The following HCLS1 variants were observed in gnomAD, a reference collection of about 807,000 sequenced individuals.
HCLS1 encodes hematopoietic cell-specific Lyn substrate 1.
Under a neutral mutation model 68.6 loss-of-function variants are expected in HCLS1, and 44 were observed. That is an observed-to-expected ratio of 0.64 (90% confidence interval 0.50 to 0.82). The LOEUF (loss-of-function observed/expected upper bound fraction) is 0.82, where lower values mean the gene tolerates loss of function less well. HCLS1 is among the 40% of genes least tolerant of loss of function. The pLI is 0.00. For synonymous variants in HCLS1, 217 were observed against 225.8 expected, an observed-to-expected ratio of 0.96 and a Z score of 0.35; for missense variants, 602 against 612.1, an observed-to-expected ratio of 0.98 and a Z score of 0.17.
In HCLS1 at chr3:121,637,232, C is replaced by T. The variant is rs142478875; in HGVS notation, c.479G>A (p.Arg160Gln). 454 of 1,613,398 alleles carry T rather than the reference C, an allele frequency of 2.8e-4. 1 individual carries two copies. The highest frequency in any genetic ancestry group is 4.9e-4 in the Middle Eastern group (3 of 6,062). Reference sequence around the variant, plus strand: ...CCATTTATCCTTCTCCACCCCGTACCGGCCACCAAAGCCACGAGAGTAATC... The same window carrying T: ...CCATTTATCCTTCTCCACCCCGTACTGGCCACCAAAGCCACGAGAGTAATC... The part of the protein sequence containing the change: ...QKDYSRGFGG[R>Q]YGVEKDKWDK... The change falls in exon 7 of 14, where the codon CGG (arginine) becomes CAG (glutamine). Residue 160 changes from arginine (R) to glutamine (Q), a missense_variant. Transcript: ENST00000314583.
intron 6 of HCLS1, among the ~76,000 whole-genome samples, chr3:121,640,742 T>C (rs1008939510): frequency 4.3e-5 from 6 of 138,136 alleles, no homozygotes; most frequent in African/African-American, 1.6e-4. Flanking sequence ...CTGGGCAACA[T>C]AATAAGACTT....
At chr3:121,643,534 T>C (rs879295303) in intron 5 of HCLS1, 6 of 152,844 alleles carry the variant, frequency 3.9e-5, no homozygotes, top group Admixed American at 3.9e-4. Context: ...GCCTCTTCTC[T>C]TTCATTACTC....
chr3:121,640,824 G>T (rs1395673900), intron 6 of HCLS1, among the ~76,000 whole-genome samples: 1 of 125,080 alleles, frequency 8.0e-6, no homozygotes, highest in Non-Finnish European at 1.8e-5. Context: ...GGGCAGGGGA[G>T]GGGAGGGGAC....
At chr3:121,659,298 T>C (rs1937940599) in intron 1 of HCLS1, among the ~76,000 whole-genome samples, 1 of 152,046 alleles carries the variant, frequency 6.6e-6, no homozygotes, top group South Asian at 2.1e-4. Flanking sequence ...TCTGTGGATT[T>C]GGTGTGAAGA....
chr3:121,655,194 G>A (rs188859050), intron 3 of HCLS1, among the ~76,000 whole-genome samples: 1 of 152,318 alleles, frequency 6.6e-6, no homozygotes, highest in East Asian at 1.9e-4. Flanking sequence ...AGTGATCTGT[G>A]TATAGGAGTT....
At chr3:121,646,077 A>G (rs1263414825) in intron 4 of HCLS1, among the ~76,000 whole-genome samples, 1 of 123,632 alleles carries the variant, frequency 8.1e-6, no homozygotes, top group Non-Finnish European at 1.6e-5. Context: ...ATATACTTGT[A>G]TTAATATATA....
At chr3:121,650,621 C>A (rs1193126301) in intron 3 of HCLS1, among the ~76,000 whole-genome samples, 1 of 152,144 alleles carries the variant, frequency 6.6e-6, no homozygotes, top group Admixed American at 6.5e-5. Flanking sequence ...TCAATCTTGA[C>A]CTCACACTGC....
At chr3:121,659,571 C>T (rs1937946897) in intron 1 of HCLS1, among the ~76,000 whole-genome samples, 1 of 152,310 alleles carries the variant, frequency 6.6e-6, no homozygotes, top group African/African-American at 2.4e-5. Flanking sequence ...AAAAACCAGC[C>T]CAGGGGAAGT....
intron 8 of HCLS1, 97 bp downstream of exon 8, chr3:121,636,337 C>A (rs1041955973): frequency 6.0e-6 from 6 of 1,002,714 alleles, no homozygotes; most frequent in East Asian, 2.4e-5. Flanking sequence ...CCAGCACCAC[C>A]GTCCCCTCCC....
chr3:121,631,531 C>A lies in HCLS1; in HGVS notation c.*315G>T. Reference sequence around the variant, plus strand: ...AACCACACAATCTAGACGTACTTTCCCGGGTAAACAAACTGGGAAGCCCAG... The same window carrying A: ...AACCACACAATCTAGACGTACTTTCACGGGTAAACAAACTGGGAAGCCCAG... On this transcript the variant is annotated 3_prime_UTR_variant, in exon 14 of 14. Transcript: ENST00000314583. 1 of 305,504 alleles carries A rather than the reference C, an allele frequency of 3.3e-6. No homozygotes were observed. The highest frequency in any genetic ancestry group is 6.1e-6 in the Non-Finnish European group (1 of 163,096). The allele number at this position is 305,504 out of a possible 1,614,324, so 18.9% of individuals were successfully genotyped here.
chr3:121,652,446 G>A (rs1276288950), intron 3 of HCLS1, among the ~76,000 whole-genome samples: 2 of 152,132 alleles, frequency 1.3e-5, no homozygotes, highest in Non-Finnish European at 2.9e-5. Context: ...TTGAGGTCAG[G>A]AGTTCAAGAC....
At position 121,644,907 on chromosome 3, in the gene HCLS1, C is replaced by A; in HGVS notation, c.310G>T (p.Val104Phe). 6.2e-7 allele frequency: 1 copy of A among 1,613,878 alleles called. No homozygotes were observed. The highest frequency in any genetic ancestry group is 1.1e-5 in the South Asian group (1 of 91,068). Reference sequence around the variant, plus strand: ...GAAGAGTGCTTCTCCACCTCGGCAACATACTCATGGCCCACTGCACTCTGA... The same window carrying A: ...GAAGAGTGCTTCTCCACCTCGGCAAAATACTCATGGCCCACTGCACTCTGA... ...MDKSAVGHEY[V>F]AEVEKHSSQT... The change falls in exon 5 of 14, where the codon GTT (valine) becomes TTT (phenylalanine). Residue 104 changes from valine to phenylalanine, a missense_variant. Val to Phe is a conservative substitution (Grantham distance 50). Coordinates refer to ENST00000314583, the MANE Select transcript of HCLS1 (RefSeq NM_005335.6).
intron 12 of HCLS1, 31 bp from the exon 13 acceptor site, chr3:121,632,215 A>G: frequency 6.2e-7 from 1 of 1,611,202 alleles, no homozygotes; most frequent in South Asian, 1.1e-5. Context: ...ACATGGGATC[A>G]TCAACATGAA....
chr3:121,635,867 G>T, intron 8 of HCLS1, 63 bp from the exon 9 acceptor site: 1 of 1,329,620 alleles, frequency 7.5e-7, no homozygotes, highest in Non-Finnish European at 1.1e-6. Flanking sequence ...TGACCTGGAG[G>T]TAGTATTGGG....
intron 6 of HCLS1, among the ~76,000 whole-genome samples, chr3:121,640,117 G>A (rs2049183304): frequency 6.6e-6 from 1 of 152,024 alleles, no homozygotes; most frequent in Non-Finnish European, 1.5e-5. Flanking sequence ...TTAAAAAGAA[G>A]AGAATATTAT....
intron 6 of HCLS1, 88 bp downstream of exon 6, chr3:121,642,839 A>C (rs1449994322): frequency 4.9e-6 from 5 of 1,030,820 alleles, no homozygotes; most frequent in African/African-American, 4.7e-5. Flanking sequence ...GAAGTTAAAA[A>C]GCTGATGACA....
intron 6 of HCLS1, among the ~76,000 whole-genome samples, chr3:121,642,230 C>T (rs889824387): frequency 1.4e-5 from 2 of 147,262 alleles, no homozygotes; most frequent in Non-Finnish European, 3.0e-5. Flanking sequence ...GAGGCCGAGT[C>T]GGGTGGATCA....
chr3:121,633,404 C>T (rs1218065953), intron 10 of HCLS1, among the ~76,000 whole-genome samples: 2 of 152,100 alleles, frequency 1.3e-5, no homozygotes, highest in Non-Finnish European at 2.9e-5. Context: ...TTAATAGAGA[C>T]AGGGTTTCAC....
intron 8 of HCLS1, 105 bp downstream of exon 8, chr3:121,636,329 A>G: frequency 1.1e-6 from 1 of 924,482 alleles, no homozygotes; most frequent in Non-Finnish European, 1.8e-6. Context: ...CTGTGTGCCC[A>G]GCACCACCGT....
Sources: allele counts gnomAD v4.1 joint callset (sites outside exome capture counted in the v4.1 genomes callset), GRCh38; gene constraint gnomAD v4.1.1; transcripts MANE v1.5; gene names NCBI Gene and HGNC (gene_info 2026-07-23, HGNC 2026-07-21).